The following ADI1 variants were observed in gnomAD, a reference collection of about 807,000 sequenced individuals.
The protein encoded by ADI1 is acireductone dioxygenase 1, also known as acireductone dioxygenase.
In ADI1, 21 loss-of-function variants were observed where a neutral mutation model predicts 18.7. That is an observed-to-expected ratio of 1.13 (90% CI 0.80 to 1.62). The LOEUF is 1.62. Among genes scored for constraint, ADI1 ranks in the 40% most tolerant of loss-of-function variants. The pLI is 0.00. For synonymous variants in ADI1, 90 were observed against 100.1 expected (o/e 0.90, Z 0.60); for missense variants, 245 against 254.9 (o/e 0.96, Z 0.26).
At chr2:3,501,388 C>T (rs1196137555) in intron 2 of ADI1, among the ~76,000 whole-genome samples, 2 of 152,050 alleles carry the variant, frequency 1.3e-5, no homozygotes, top group African/African-American at 4.8e-5. Flanking sequence ...GCCCCAAAGA[C>T]ACCCTGGCCC....
intron 2 of ADI1, among the ~76,000 whole-genome samples, chr2:3,505,223 C>T (rs9798096): frequency 0.11 from 16,543 of 152,266 alleles, 993 homozygotes; most frequent in Middle Eastern, 0.14. Context: ...AACTGAAAAA[C>T]CAACTCTTTT....
intron 1 of ADI1, chr2:3,519,127 GA>G: frequency 2.3e-6 from 1 of 429,340 alleles, no homozygotes. Flanking sequence ...CGCCGCTGCT[GA>G]GCATGCGCAG....
rs186242843 is a variant in ADI1, at chr2:3,508,160, C to T, written c.240+5697G>A. ...CCATCCTGGCTAACACAGTGAAACC[C>T]CATCTCTACTAAAAATACGAAAAAA... On this transcript the variant is annotated intron_variant, in intron 2 of 3. Coordinates refer to ENST00000327435, the MANE Select transcript of ADI1 (RefSeq NM_018269.4). Among the ~76,000 whole-genome samples, 515 of 151,768 alleles carry T rather than the reference C, an allele frequency of 3.4e-3. 2 individuals carry two copies. The highest frequency in any genetic ancestry group is 0.012 in the African/African-American group (493 of 41,396).
intron 1 of ADI1, chr2:3,516,619 T>TG (rs1268961647): frequency 1.5e-6 from 1 of 660,634 alleles, no homozygotes; most frequent in Non-Finnish European, 1.9e-6. Flanking sequence ...ACCTTAATCT[T>TG]GGACTTCTTA....
At chr2:3,516,286 AG>A (rs2103214077) in intron 1 of ADI1, 1 of 154,708 alleles carries the variant, frequency 6.5e-6, no homozygotes, top group South Asian at 2.1e-4. Context: ...GTTCAAGACC[AG>A]CCTGTCCAAC....
chr2:3,499,075 G>A lies in ADI1; in HGVS notation c.428C>T (p.Thr143Met), dbSNP rs748218756. 21 of 1,613,386 alleles carry A rather than the reference G, an allele frequency of 1.3e-5. No homozygotes were observed. Among genetic ancestry groups the A allele is most frequent in the East Asian group, 2.2e-5 (1 of 44,874 alleles). Residue 143 changes from threonine (T) to methionine (M), a missense_variant, in exon 4 of 4, where the codon ACG (threonine) becomes ATG (methionine). Thr to Met is a moderately conservative substitution (Grantham distance 81). Transcript: ENST00000327435. ...TCCCACAAACAGCCGCATGGCCTTC[G>A]TGTAGTTCTGGAAAACAGACAAACA... Reference protein sequence around the residue: ...HRFTVDEKNYTKAMRLFVGEP... With the variant: ...HRFTVDEKNYMKAMRLFVGEP...
chr2:3,515,157 C>T (rs1429098952), intron 1 of ADI1: 4 of 191,002 alleles, frequency 2.1e-5, no homozygotes, highest in Non-Finnish European at 3.2e-5. Flanking sequence ...CCTGCAGGGT[C>T]AGGCAAAAAC....
chr2:3,512,813 C>T (rs1212893795), intron 2 of ADI1, among the ~76,000 whole-genome samples: 1 of 152,210 alleles, frequency 6.6e-6, no homozygotes, highest in Non-Finnish European at 1.5e-5. Context: ...AGAGAACCAC[C>T]ATCCTGCAGA....
Position 3,519,470 on chromosome 2 carries a change from A to AT in ADI1, c.17dup (p.Tyr6Ter), listed in dbSNP as rs1162100047. Residue 6 changes from tyrosine to a stop codon, truncating the protein, a stop_gained and frameshift_variant, in exon 1 of 4, where the codon TAT becomes TAAT. Coordinates refer to ENST00000327435, the MANE Select transcript of ADI1 (RefSeq NM_018269.4). LOFTEE classifies it high-confidence loss of function. The stretch of plus-strand genomic sequence containing the variant: ...GCGGGTCGCCCGGGGCGTCGTCCAT[A>AT]TACCAGGCCTGCACCATGACGCGCA... MVQAW[Y>*]MDDAPGDPRQ... 3.0e-5 allele frequency: 41 copies of AT among 1,349,504 alleles called. No homozygotes were observed. The highest frequency in any genetic ancestry group is 3.9e-5 in the Non-Finnish European group (41 of 1,053,074). 83.6% of individuals were successfully genotyped at this position (1,349,504 alleles called of 1,614,324 possible). A position where few individuals can be genotyped will look rare whatever the true frequency, so the allele number is the denominator to read the frequency against.
At chr2:3,513,730 GTATT>G (rs1459489768) in intron 2 of ADI1, 123 bp downstream of exon 2, 11 of 1,003,964 alleles carry the variant, frequency 1.1e-5, no homozygotes, top group Admixed American at 2.8e-5. Context: ...ACAGTTTCAG[GTATT>G]TATTTATAGC....
chr2:3,516,615 A>T, intron 1 of ADI1: 1 of 629,058 alleles, frequency 1.6e-6, no homozygotes, highest in Non-Finnish European at 2.0e-6. Context: ...TGGCACCTTA[A>T]TCTTGGACTT....
chr2:3,511,226 C>T (rs1667288444), intron 2 of ADI1, among the ~76,000 whole-genome samples: 1 of 152,228 alleles, frequency 6.6e-6, no homozygotes, highest in Non-Finnish European at 1.5e-5. Flanking sequence ...TCCCACTTTG[C>T]CTTCTGCCAT....
chr2:3,508,794 C>A (rs1667232230), intron 2 of ADI1, among the ~76,000 whole-genome samples: 1 of 151,966 alleles, frequency 6.6e-6, no homozygotes, highest in South Asian at 2.1e-4. Context: ...GTCCCAGCTA[C>A]CTGGGAGGCT....
At chr2:3,518,085 T>C (rs1490575637) in intron 1 of ADI1, among the ~76,000 whole-genome samples, 1 of 152,200 alleles carries the variant, frequency 6.6e-6, no homozygotes, top group African/African-American at 2.4e-5. Context: ...TCTCCTCTCA[T>C]TAATGGAAAA....
intron 1 of ADI1, 44 bp downstream of exon 1, chr2:3,519,324 G>T: frequency 7.4e-7 from 1 of 1,349,498 alleles, no homozygotes; most frequent in Non-Finnish European, 9.5e-7. Context: ...GGCGTTTGGG[G>T]GTCGGCGTCG....
intron 1 of ADI1, among the ~76,000 whole-genome samples, chr2:3,518,926 G>A (rs1667491655): frequency 6.6e-6 from 1 of 152,156 alleles, no homozygotes. Context: ...CCCCTGACTC[G>A]CCAACTCTGC....
rs914797388 is a variant in ADI1, at chr2:3,498,807, T to G, written c.*156A>C. ...ACTTCCAAGTTGCTTTCTAGATCCT[T>G]TCATTACAAAATATTCTGATCAAAT... is the stretch of plus-strand genomic sequence containing the variant. On this transcript the variant is annotated 3_prime_UTR_variant, in exon 4 of 4. Coordinates refer to ENST00000327435, the MANE Select transcript of ADI1 (RefSeq NM_018269.4). The G allele has an allele frequency of 7.6e-7, 1 of 1,308,068 alleles. No individual in the cohort carries two copies. Among genetic ancestry groups the G allele is most frequent in the African/African-American group, 1.5e-5 (1 of 66,946 alleles). 81.0% of individuals were successfully genotyped at this position (1,308,068 alleles called of 1,614,324 possible).
At position 3,519,384 on chromosome 2, in the gene ADI1, C is replaced by G. The variant is rs1254933369; in HGVS notation, c.104G>C (p.Gly35Ala). 1 of 1,428,714 alleles carries G rather than the reference C, an allele frequency of 7.0e-7. No individual in the cohort carries two copies. The highest frequency in any genetic ancestry group is 9.1e-7 in the Non-Finnish European group (1 of 1,098,864). The allele number at this position is 1,428,714 out of a possible 1,614,324, so 88.5% of individuals were successfully genotyped here. ...PVGLEQLRRL[G>A]VLYWKLDADK... is the part of the protein sequence containing the mutation. ...CTCGCGTACCTTCCAGTAGAGCACC[C>G]CGAGCCGCCGCAGCTGCTCCAGGCC... Residue 35 changes from glycine to alanine, a missense_variant, in exon 1 of 4, where the codon GGG becomes GCG. Coordinates refer to ENST00000327435, the MANE Select transcript of ADI1 (RefSeq NM_018269.4).
At chr2:3,501,730 G>A (rs1667017791) in intron 2 of ADI1, among the ~76,000 whole-genome samples, 1 of 152,040 alleles carries the variant, frequency 6.6e-6, no homozygotes, top group African/African-American at 2.4e-5. Flanking sequence ...GTTTCAACAT[G>A]TTGGCCAGGC....
Sources: gnomAD v4.1 joint callset for allele counts (sites outside exome capture counted in the v4.1 genomes callset) on GRCh38, gnomAD v4.1.1 for gene constraint, MANE v1.5 for transcripts, NCBI Gene and HGNC (gene_info 2026-07-23, HGNC 2026-07-21) for gene names.